DHRSX: variants seen among roughly 807,000 people sequenced by gnomAD.
DHRSX encodes dehydrogenase/reductase X-linked.
A neutral mutation model predicts 34.0 loss-of-function variants in DHRSX; 31 were observed. That is an observed-to-expected ratio of 0.91 (90% CI 0.69 to 1.23). The LOEUF is 1.23. DHRSX is among the 50% of genes most tolerant of loss of function. The pLI, the probability that DHRSX is intolerant of heterozygous loss-of-function variation, is 0.00. For missense variants in DHRSX, 414 were observed against 428.1 expected (o/e 0.97, Z 0.29); for synonymous variants, 201 against 183.8 (o/e 1.09, Z -0.76).
At chrX:2,454,751 G>A (rs776734931) in intron 1 of DHRSX, among the ~76,000 whole-genome samples, 1 of 152,140 alleles carries the variant, frequency 6.6e-6, no homozygotes, top group South Asian at 2.1e-4. Flanking sequence ...ACCTCAAAAC[G>A]ACGTCATGTA....
intron 3 of DHRSX, among the ~76,000 whole-genome samples, chrX:2,403,856 C>CAAAAA (rs529721291): frequency 1.1e-5 from 1 of 90,162 alleles, no homozygotes; most frequent in Non-Finnish European, 2.4e-5. Context: ...AACTCTGTCT[C>CAAAAA]AAAAAAAAAA....
At chrX:2,361,188 G>A (rs1236589545) in intron 3 of DHRSX, among the ~76,000 whole-genome samples, 1 of 152,072 alleles carries the variant, frequency 6.6e-6, no homozygotes, top group Non-Finnish European at 1.5e-5. Flanking sequence ...TCGGCTCACT[G>A]CAACCTCCAC....
At chrX:2,342,719 T>A (rs866677050) in intron 3 of DHRSX, among the ~76,000 whole-genome samples, 2 of 152,260 alleles carry the variant, frequency 1.3e-5, no homozygotes, top group African/African-American at 4.8e-5. Context: ...CCCACGCTCA[T>A]AGCATCGACA....
At chrX:2,336,077 G>A (rs1428078849) in intron 3 of DHRSX, among the ~76,000 whole-genome samples, 3 of 151,642 alleles carry the variant, frequency 2.0e-5, no homozygotes, top group South Asian at 2.1e-4. Flanking sequence ...GCGTGATCTC[G>A]GCTCACTGCA....
At chrX:2,236,901 TG>T (rs1275256444) in intron 6 of DHRSX, among the ~76,000 whole-genome samples, 4 of 138,692 alleles carry the variant, frequency 2.9e-5, no homozygotes, top group Non-Finnish European at 4.7e-5. Context: ...AAAAAAGAAA[TG>T]GGGGGGCTGG....
intron 1 of DHRSX, among the ~76,000 whole-genome samples, chrX:2,466,170 G>A (rs183460417): frequency 0.089 from 13,559 of 152,220 alleles, 758 homozygotes; most frequent in East Asian, 0.21. Context: ...TGGGCGTGGC[G>A]GCGCATGCCT....
chrX:2,275,506 T>C (rs1336304823), intron 4 of DHRSX, among the ~76,000 whole-genome samples: 1 of 60,124 alleles, frequency 1.7e-5, no homozygotes, highest in African/African-American at 7.7e-5. Flanking sequence ...CGAGACTATG[T>C]TTCAAAACAA....
At chrX:2,475,174 C>CGG (rs1569505101) in intron 1 of DHRSX, among the ~76,000 whole-genome samples, 4 of 151,158 alleles carry the variant, frequency 2.6e-5, no homozygotes, top group African/African-American at 7.3e-5. Flanking sequence ...GCTAAGGGAC[C>CGG]TCCGCCATGT....
At chrX:2,357,929 G>A (rs1266603350) in intron 3 of DHRSX, among the ~76,000 whole-genome samples, 1 of 152,058 alleles carries the variant, frequency 6.6e-6, no homozygotes, top group African/African-American at 2.4e-5. Flanking sequence ...AGTCAAAACA[G>A]GGTAACTCTT....
At chrX:2,253,826 C>T (rs1282923938) in intron 5 of DHRSX, among the ~76,000 whole-genome samples, 7 of 152,188 alleles carry the variant, frequency 4.6e-5, no homozygotes, top group African/African-American at 1.4e-4. Context: ...TTTGGGAGGC[C>T]GAGGCGGGCG....
At chrX:2,450,416 C>T (rs1281624091) in intron 1 of DHRSX, among the ~76,000 whole-genome samples, 5 of 151,932 alleles carry the variant, frequency 3.3e-5, no homozygotes, top group South Asian at 4.1e-4. Flanking sequence ...GAGCCAAGAT[C>T]GCGTCACTGT....
At chrX:2,327,541 T>A (rs770675246) in intron 3 of DHRSX, among the ~76,000 whole-genome samples, 2 of 152,102 alleles carry the variant, frequency 1.3e-5, no homozygotes, top group African/African-American at 4.8e-5. Context: ...AGACTCAAGA[T>A]AGACCCAGCC....
At position 2,243,164 on chromosome X, in the gene DHRSX, G is replaced by T; in HGVS notation, c.663C>A (p.His221Gln). The change falls in exon 6 of 7, where the codon CAC (histidine) becomes CAA (glutamine). Residue 221 changes from histidine to glutamine, a missense_variant. His to Gln is a conservative substitution (Grantham distance 24). Coordinates refer to ENST00000334651, the MANE Select transcript of DHRSX (RefSeq NM_145177.3). Reference sequence around the variant, plus strand: ...CCTCAGCCGCCAGCAGCCGCTGGAGGTGGTAGGTGAACAGGACAAGGGCCA... The same window carrying T: ...CCTCAGCCGCCAGCAGCCGCTGGAGTTGGTAGGTGAACAGGACAAGGGCCA... The part of the protein sequence containing the change: ...SKLALVLFTY[H>Q]LQRLLAAEGS... 6.2e-7 allele frequency: 1 copy of T among 1,613,984 alleles called. No individual in the cohort carries two copies. Among genetic ancestry groups the T allele is most frequent in the Non-Finnish European group, 8.5e-7 (1 of 1,179,872 alleles).
In DHRSX at chrX:2,363,963, AG is replaced by A. The variant is rs2042969606; in HGVS notation, c.286+44781del. On this transcript the variant is annotated intron_variant, in intron 3 of 6. Transcript: ENST00000334651. ...CTCAACACACAGGGACTGAGGTGAA[AG>A]GAGACGGCTGGGTGGGATGGAGGAG... 2.1e-5 allele frequency among the ~76,000 whole-genome samples: 3 copies of A among 145,206 alleles called. No individual in the cohort carries two copies. In the East Asian group the frequency reaches 5.9e-4, roughly 28 times the overall value.
chrX:2,349,988 G>A (rs776456884), intron 3 of DHRSX, among the ~76,000 whole-genome samples: 17 of 151,828 alleles, frequency 1.1e-4, no homozygotes, highest in Admixed American at 6.6e-4. Flanking sequence ...GCAGTAAGCC[G>A]AGATCGCGCC....
At chrX:2,452,767 G>A (rs2044242710) in intron 1 of DHRSX, among the ~76,000 whole-genome samples, 3 of 152,138 alleles carry the variant, frequency 2.0e-5, no homozygotes, top group African/African-American at 4.8e-5. Context: ...CATTGAAGAC[G>A]TTCCCTAAGA....
At chrX:2,498,625 G>GAAA (rs10624636) in intron 1 of DHRSX, among the ~76,000 whole-genome samples, 1,473 of 128,706 alleles carry the variant, frequency 0.011, 22 homozygotes, top group African/African-American at 0.036. Flanking sequence ...CAGTAAATGG[G>GAAA]AAAAAAAAAA....
intron 3 of DHRSX, among the ~76,000 whole-genome samples, chrX:2,400,337 T>C (rs1455669332): frequency 6.6e-6 from 1 of 152,132 alleles, no homozygotes; most frequent in Non-Finnish European, 1.5e-5. Context: ...TAACAATCCT[T>C]CTACCCAATC....
At chrX:2,259,713 G>A (rs1396278499) in intron 5 of DHRSX, among the ~76,000 whole-genome samples, 9 of 152,142 alleles carry the variant, frequency 5.9e-5, no homozygotes, top group Admixed American at 2.0e-4. Flanking sequence ...AACCCTTCCT[G>A]CCTTTCCCAG....
Sources: allele counts gnomAD v4.1 joint callset (sites outside exome capture counted in the v4.1 genomes callset), GRCh38; gene constraint gnomAD v4.1.1; transcripts MANE v1.5; gene names NCBI Gene and HGNC (gene_info 2026-07-23, HGNC 2026-07-21).